HEPACAM2: variants seen among roughly 807,000 people sequenced by gnomAD.
The protein encoded by HEPACAM2 is mitotic kinetics regulator.
Under a neutral mutation model 49.6 loss-of-function variants are expected in HEPACAM2, and 49 were observed. The ratio of observed to expected loss-of-function variants is 0.99; its 90% CI spans 0.78 to 1.25. The LOEUF is 1.25. HEPACAM2 is among the 50% of genes most tolerant of loss of function. HEPACAM2 has a pLI of 0.00. For missense variants in HEPACAM2, 525 were observed against 557.2 expected, an observed-to-expected ratio of 0.94 and a Z score of 0.58; for synonymous variants, 197 against 202.9, an observed-to-expected ratio of 0.97 and a Z score of 0.25.
At chr7:93,205,013 T>G (rs1376935429) in intron 4 of HEPACAM2, among the ~76,000 whole-genome samples, 4 of 151,444 alleles carry the variant, frequency 2.6e-5, no homozygotes, top group East Asian at 2.0e-4. Context: ...GGCAAGAGGA[T>G]CACTTGAACC....
rs367899656 is a variant in HEPACAM2, at chr7:93,201,317, T to C, written c.1013-3707A>G. Among the ~76,000 whole-genome samples, 6 of 152,272 alleles carry C rather than the reference T, an allele frequency of 3.9e-5. No homozygotes were observed. In the East Asian group the frequency reaches 7.7e-4, roughly 20 times the overall value. On this transcript the variant is annotated intron_variant, in intron 4 of 9. Coordinates refer to ENST00000394468, the MANE Select transcript of HEPACAM2 (RefSeq NM_001039372.4). The stretch of plus-strand genomic sequence containing the variant: ...ATATTTAGCGCACTAAGACCTAGTA[T>C]GATTAGTAATATATTTCAGTTTAGA...
upstream of HEPACAM2, among the ~76,000 whole-genome samples, chr7:93,229,412 G>A (rs927403592): frequency 1.3e-5 from 2 of 152,196 alleles, no homozygotes; most frequent in Admixed American, 6.5e-5. Flanking sequence ...TGCTCAAGAA[G>A]TGTAGTCATA....
chr7:93,189,294 T>C (rs763788256), intron 9 of HEPACAM2, 24 bp from the exon 10 acceptor site: 1 of 1,569,336 alleles, frequency 6.4e-7, no homozygotes. Flanking sequence ...ATACAAAATA[T>C]GTAAACAGTT....
intron 3 of HEPACAM2, among the ~76,000 whole-genome samples, 153 bp downstream of exon 3, chr7:93,215,248 A>G (rs2116703030): frequency 6.6e-6 from 1 of 152,300 alleles, no homozygotes; most frequent in South Asian, 2.1e-4. Context: ...TTCATACAAG[A>G]CAGTGCCTAG....
At chr7:93,194,284 A>G (rs1013234663) in intron 8 of HEPACAM2, among the ~76,000 whole-genome samples, 5 of 152,122 alleles carry the variant, frequency 3.3e-5, no homozygotes, top group African/African-American at 7.2e-5. Context: ...CTAGGAATAA[A>G]TGTTTGCATT....
At chr7:93,210,144 A>C (rs1176295037) in intron 3 of HEPACAM2, among the ~76,000 whole-genome samples, 1 of 151,978 alleles carries the variant, frequency 6.6e-6, no homozygotes, top group Non-Finnish European at 1.5e-5. Context: ...TTTCTCATTC[A>C]GTCTAAATCC....
intron 4 of HEPACAM2, among the ~76,000 whole-genome samples, chr7:93,198,930 T>G (rs1193598713): frequency 6.6e-6 from 1 of 152,126 alleles, no homozygotes; most frequent in Non-Finnish European, 1.5e-5. Flanking sequence ...TCAGAATACT[T>G]CCATTTCTTA....
At position 93,219,448 on chromosome 7, in the gene HEPACAM2, G is replaced by A. The variant is rs986479773; in HGVS notation, c.83C>T (p.Ala28Val). The A allele has an allele frequency of 1.2e-6, 2 of 1,613,716 alleles. No individual in the cohort carries two copies. Among genetic ancestry groups the A allele is most frequent in the African/African-American group, 2.7e-5 (2 of 74,888 alleles). ...QCKIYLLLFGACSGLKVTVPS... is the reference protein window; with the variant it reads ...QCKIYLLLFGVCSGLKVTVPS... ...CACTGTCACCTTCAGCCCCGAGCAAGCACCTGTTGCAAAGGAAAGGAAAGT... is the reference window on the plus strand; with the variant it reads ...CACTGTCACCTTCAGCCCCGAGCAAACACCTGTTGCAAAGGAAAGGAAAGT... Residue 28 changes from alanine (A) to valine (V), a missense_variant, in exon 2 of 10, where the codon GCT becomes GTT. By Grantham distance (64) the Ala-to-Val change is moderately conservative (BLOSUM62 0). Transcript: ENST00000394468.
chr7:93,230,717 C>A (rs1794610554), upstream of HEPACAM2, among the ~76,000 whole-genome samples: 3 of 152,102 alleles, frequency 2.0e-5, no homozygotes, highest in African/African-American at 7.2e-5. Flanking sequence ...AACAGTCTGA[C>A]AATTAAGATT....
In HEPACAM2 at chr7:93,188,955, G is replaced by A; in HGVS notation, c.*312C>T. The A allele has an allele frequency of 2.3e-6, 1 of 443,200 alleles. No individual in the cohort carries two copies. Among genetic ancestry groups the A allele is most frequent in the Non-Finnish European group, 4.0e-6 (1 of 251,494 alleles). The allele number at this position is 443,200 out of a possible 1,614,324, so 27.5% of individuals were successfully genotyped here. ...TGTAGAGTAGAACTAATTGAGGTTT[G>A]TAGAGATATTTCATACAAAACTTAT... On this transcript the variant is annotated 3_prime_UTR_variant, in exon 10 of 10. Coordinates refer to ENST00000394468, the MANE Select transcript of HEPACAM2 (RefSeq NM_001039372.4).
intron 4 of HEPACAM2, among the ~76,000 whole-genome samples, chr7:93,207,646 A>T (rs879932497): frequency 1.3e-5 from 2 of 151,968 alleles, no homozygotes; most frequent in Non-Finnish European, 2.9e-5. Context: ...CTGAGATGAC[A>T]TTTAGCTTTC....
intron 3 of HEPACAM2, among the ~76,000 whole-genome samples, chr7:93,211,538 G>A (rs1250763187): frequency 6.6e-6 from 1 of 152,000 alleles, no homozygotes; most frequent in African/African-American, 2.4e-5. Context: ...TCACTCAACC[G>A]AAATCAATAT....
At chr7:93,209,211 A>G (rs972402784) in intron 3 of HEPACAM2, among the ~76,000 whole-genome samples, 1 of 152,056 alleles carries the variant, frequency 6.6e-6, no homozygotes, top group Admixed American at 6.6e-5. Flanking sequence ...TAAATCTGCC[A>G]TCTTGTAGAC....
chr7:93,192,783 AAAG>A (rs1413190711), intron 8 of HEPACAM2, among the ~76,000 whole-genome samples: 1 of 152,106 alleles, frequency 6.6e-6, no homozygotes, highest in Non-Finnish European at 1.5e-5. Context: ...GCTTAAAAGA[AAAG>A]AACAATATAC....
intron 8 of HEPACAM2, among the ~76,000 whole-genome samples, chr7:93,194,286 G>A (rs1793627935): frequency 6.6e-6 from 1 of 152,012 alleles, no homozygotes; most frequent in Non-Finnish European, 1.5e-5. Context: ...AGGAATAAAT[G>A]TTTGCATTAT....
At chr7:93,227,648 C>G (rs1168424504), upstream of HEPACAM2, among the ~76,000 whole-genome samples, 1 of 152,262 alleles carries the variant, frequency 6.6e-6, no homozygotes, top group East Asian at 1.9e-4. Context: ...ACTTTCAGAT[C>G]CCTCCATGCT....
intron 2 of HEPACAM2, among the ~76,000 whole-genome samples, chr7:93,216,810 A>G (rs1417596148): frequency 6.6e-6 from 1 of 152,190 alleles, no homozygotes; most frequent in Non-Finnish European, 1.5e-5. Context: ...ATTGTGTCCA[A>G]TGTTTAGACT....
At chr7:93,222,849 C>T (rs76312677) in intron 1 of HEPACAM2, among the ~76,000 whole-genome samples, 9,915 of 152,088 alleles carry the variant, frequency 0.065, 382 homozygotes, top group East Asian at 0.19. Context: ...TTGAGAGGAC[C>T]CAAATTGAGA....
In HEPACAM2 at chr7:93,197,480, C is replaced by A. The variant is rs1196160161; in HGVS notation, c.1138+5G>T. 7 of 1,577,766 alleles carry A rather than the reference C, an allele frequency of 4.4e-6. No homozygotes were observed. The South Asian group carries it at 5.8e-5, about 13-fold the overall frequency. ...TTCAATTTTTTTTTTGTAATTTTAA[C>A]CTACCTTTGTAGGGTTGATATTTTT... is the stretch of plus-strand genomic sequence containing the variant. On this transcript the variant is annotated splice_donor_5th_base_variant and intron_variant, in intron 5 of 9. Coordinates refer to ENST00000394468, the MANE Select transcript of HEPACAM2 (RefSeq NM_001039372.4).
Sources: allele counts gnomAD v4.1 joint callset (sites outside exome capture counted in the v4.1 genomes callset), GRCh38; gene constraint gnomAD v4.1.1; transcripts MANE v1.5; gene names NCBI Gene and HGNC (gene_info 2026-07-23, HGNC 2026-07-21).